The following E2F2 variants were observed in gnomAD, a reference collection of about 807,000 sequenced individuals.
The protein encoded by E2F2 is transcription factor E2F2.
E2F2 carries 22 observed loss-of-function variants against 42.2 expected under a neutral mutation model. The observed-to-expected ratio is 0.52, with a 90% confidence interval of 0.37 to 0.74. The LOEUF (loss-of-function observed/expected upper bound fraction) is 0.74, where lower values mean the gene tolerates loss of function less well. Ranked by LOEUF, E2F2 falls within the 30% of genes least tolerant of loss-of-function variation. E2F2 has a pLI of 0.00. For missense variants in E2F2, 481 were observed against 557.8 expected (o/e 0.86, Z 1.39); for synonymous variants, 248 against 251.6 (o/e 0.99, Z 0.13).
chr1:23,526,848 C>T (rs568730067), intron 1 of E2F2, among the ~76,000 whole-genome samples: 78 of 133,340 alleles, frequency 5.8e-4, no homozygotes, highest in Non-Finnish European at 8.1e-5. Flanking sequence ...ACTGCATGTA[C>T]TTGCACACAC....
chr1:23,506,464 A>C lies in E2F2; in HGVS notation c.*3416T>G, dbSNP rs965950693. 1 of 152,274 alleles carries C rather than the reference A, an allele frequency of 6.6e-6. No homozygotes were observed. Among genetic ancestry groups the C allele is most frequent in the Non-Finnish European group, 1.5e-5 (1 of 68,094 alleles). The allele number at this position is 152,274 out of a possible 1,614,324, so 9.4% of individuals were successfully genotyped here. A position where few individuals can be genotyped will look rare whatever the true frequency, so the allele number is the denominator to read the frequency against. ...GCAGTTTAATGTTTAATGCCCAATT[A>C]TCTCAATACAAGGAGGCTTACATGG... On this transcript the variant is annotated 3_prime_UTR_variant, in exon 7 of 7. Coordinates refer to ENST00000361729, the MANE Select transcript of E2F2 (RefSeq NM_004091.4).
chr1:23,508,667 C>T lies in E2F2; in HGVS notation c.*1213G>A, dbSNP rs1191368314. Reference sequence around the variant, plus strand: ...CCATGAAGACCTCTCTCTGTCACCCCTTCAGTATACCTGGGAAAAAAGGAG... The same window carrying T: ...CCATGAAGACCTCTCTCTGTCACCCTTTCAGTATACCTGGGAAAAAAGGAG... On this transcript the variant is annotated 3_prime_UTR_variant, in exon 7 of 7. Coordinates refer to ENST00000361729, the MANE Select transcript of E2F2 (RefSeq NM_004091.4). 1 of 152,298 alleles carries T rather than the reference C, an allele frequency of 6.6e-6. No individual in the cohort carries two copies. Among genetic ancestry groups the T allele is most frequent in the Non-Finnish European group, 1.5e-5 (1 of 68,110 alleles). The allele number at this position is 152,298 out of a possible 1,614,324, so 9.4% of individuals were successfully genotyped here.
Position 23,519,296 on chromosome 1 carries a change from C to G in E2F2, c.738-166G>C. On this transcript the variant is annotated intron_variant, in intron 4 of 6. Coordinates refer to ENST00000361729, the MANE Select transcript of E2F2 (RefSeq NM_004091.4). The stretch of plus-strand genomic sequence containing the variant: ...TGTAACCTGTTAATCTCATAAGCTA[C>G]CTTAGATCCCTTTGGAAAGCAAATG... The G allele has an allele frequency of 2.2e-5, 10 of 447,584 alleles. No individual in the cohort carries two copies. The South Asian group carries it at 5.0e-4, about 23-fold the overall frequency. 27.7% of individuals were successfully genotyped at this position (447,584 alleles called of 1,614,324 possible).
intron 1 of E2F2, among the ~76,000 whole-genome samples, chr1:23,525,711 C>A (rs1643239398): frequency 6.6e-6 from 1 of 152,158 alleles, no homozygotes; most frequent in Admixed American, 6.5e-5. Context: ...CTGTAAAGTT[C>A]TCAGCCTGTG....
In E2F2 at chr1:23,531,124, C is replaced by A; in HGVS notation, c.-331G>T. The A allele has an allele frequency of 3.4e-6, 1 of 292,492 alleles. No homozygotes were observed. Among genetic ancestry groups the A allele is most frequent in the Admixed American group, 5.1e-5 (1 of 19,422 alleles). The allele number at this position is 292,492 out of a possible 1,614,324, so 18.1% of individuals were successfully genotyped here. On this transcript the variant is annotated 5_prime_UTR_variant, in exon 1 of 7. Transcript: ENST00000361729. ...GTCCGGCCGGCTCTGGGGAGGGGTCCCCGGCGTGCCCTCAAGCTCGGCGGA... is the reference window on the plus strand; with the variant it reads ...GTCCGGCCGGCTCTGGGGAGGGGTCACCGGCGTGCCCTCAAGCTCGGCGGA...
chr1:23,521,209 G>T, intron 3 of E2F2, 138 bp from the exon 4 acceptor site: 2 of 1,079,974 alleles, frequency 1.9e-6, no homozygotes, highest in Non-Finnish European at 2.5e-6. Flanking sequence ...AGCTACCAGG[G>T]ATTGGAACCA....
intron 3 of E2F2, chr1:23,521,575 C>T (rs112726448): frequency 1.0e-6 from 1 of 984,866 alleles, no homozygotes; most frequent in African/African-American, 1.8e-5. Context: ...TTTACACCTC[C>T]CAGATGTCAT....
intron 4 of E2F2, chr1:23,519,364 T>TA: frequency 3.0e-6 from 1 of 331,228 alleles, no homozygotes; most frequent in Non-Finnish European, 5.5e-6. Context: ...TTATAAATCA[T>TA]AAAAAATGTT....
Position 23,531,030 on chromosome 1 carries a change from G to A in E2F2, c.-237C>T, listed in dbSNP as rs973909184. The A allele has an allele frequency of 1.0e-4, 46 of 447,672 alleles. No homozygotes were observed. In the East Asian group the frequency reaches 1.2e-3, roughly 12 times the overall value. 27.7% of individuals were successfully genotyped at this position (447,672 alleles called of 1,614,324 possible). The stretch of plus-strand genomic sequence containing the variant: ...GGCGGCTGCGGTGGTGGCACTGCCA[G>A]GGGCTGTCTCGTCCCGAGGGCACCG... On this transcript the variant is annotated 5_prime_UTR_variant, in exon 1 of 7. Transcript: ENST00000361729.
At chr1:23,521,614 C>T (rs766127028) in intron 3 of E2F2, 79 of 984,350 alleles carry the variant, frequency 8.0e-5, no homozygotes, top group Non-Finnish European at 9.2e-5. Context: ...TCACGTTCTC[C>T]GATTACTTCA....
chr1:23,505,641 T>A (rs1558226204), downstream of E2F2, among the ~76,000 whole-genome samples: 1 of 152,106 alleles, frequency 6.6e-6, no homozygotes, highest in African/African-American at 2.4e-5. Flanking sequence ...GCCTCCTGAG[T>A]AGCTGGAGTT....
In E2F2 at chr1:23,530,634, G is replaced by A. The variant is rs1407094379; in HGVS notation, c.160C>T (p.Pro54Ser). 2 of 1,613,288 alleles carry A rather than the reference G, an allele frequency of 1.2e-6. No individual in the cohort carries two copies. The highest frequency in any genetic ancestry group is 1.7e-5 in the Admixed American group (1 of 59,994). The part of the protein sequence containing the change: ...YYTPLYPQTA[P>S]PAAAPGTCLD... ...CAGGTGCCTGGCGCCGCTGCGGGAG[G>A]CGCCGTCTGCGGGTACAGCGGTGTG... The change falls in exon 1 of 7, where the codon CCT (proline) becomes TCT (serine). Residue 54 changes from proline (P) to serine (S), a missense_variant. Transcript: ENST00000361729. This position sits in a 1 kb window ranked among gnomAD's most constrained non-coding sequence, Gnocchi z 4.4.
At position 23,507,515 on chromosome 1, in the gene E2F2, CAA is replaced by C. The variant is rs758109798; in HGVS notation, c.*2363_*2364del. The C allele has an allele frequency of 2.3e-4, 22 of 95,090 alleles. No individual in the cohort carries two copies. Among genetic ancestry groups the C allele is most frequent in the Admixed American group, 2.3e-4 (2 of 8,608 alleles). The allele number at this position is 95,090 out of a possible 1,614,324, so 5.9% of individuals were successfully genotyped here. ...TGGGCAACAGAGCGAGACTCCATCT[CAA>C]AAAAAAAAAAAAAGAAGAAAAAAAG... On this transcript the variant is annotated 3_prime_UTR_variant, in exon 7 of 7. Coordinates refer to ENST00000361729, the MANE Select transcript of E2F2 (RefSeq NM_004091.4).
chr1:23,519,713 T>C (rs1399365578), intron 4 of E2F2, among the ~76,000 whole-genome samples: 2 of 151,922 alleles, frequency 1.3e-5, no homozygotes, highest in Admixed American at 6.6e-5. Context: ...GTGGATAACT[T>C]GAGGTCAGGA....
Position 23,510,113 on chromosome 1 carries a change from GTGGGGCCTGCTGGGGGGT to G in E2F2, c.1063_1080del (p.Thr355_Pro360del). On this transcript the variant is annotated inframe_deletion, in exon 7 of 7. Coordinates refer to ENST00000361729, the MANE Select transcript of E2F2 (RefSeq NM_004091.4). ...TCCAAGGGGACCAGGGATGGAGGCG[GTGGGGCCTGCTGGGGGGT>G]TGGCGCTGGTGCTGGCACTGGAGAC... 6.2e-7 allele frequency: 1 copy of G among 1,604,448 alleles called. No homozygotes were observed. The highest frequency in any genetic ancestry group is 8.5e-7 in the Non-Finnish European group (1 of 1,176,274).
intron 2 of E2F2, 134 bp downstream of exon 2, chr1:23,524,249 G>C: frequency 1.0e-5 from 7 of 689,770 alleles, no homozygotes; most frequent in Non-Finnish European, 1.6e-5. Context: ...TACCTGGCAG[G>C]ATCAAATAAT....
intron 6 of E2F2, among the ~76,000 whole-genome samples, chr1:23,512,865 T>A (rs1458577190): frequency 6.6e-6 from 1 of 150,910 alleles, no homozygotes; most frequent in East Asian, 1.9e-4. Context: ...CAGGCTGGAG[T>A]GCAGTGGTGT....
chr1:23,522,920 A>T (rs1390231485), intron 2 of E2F2, among the ~76,000 whole-genome samples: 1 of 152,184 alleles, frequency 6.6e-6, no homozygotes, highest in African/African-American at 2.4e-5. Flanking sequence ...ACCAGTTATC[A>T]TGAGCCTCAG....
intron 3 of E2F2, 86 bp downstream of exon 3, chr1:23,521,751 C>T: frequency 3.2e-6 from 5 of 1,564,898 alleles, no homozygotes; most frequent in South Asian, 2.4e-5. Flanking sequence ...CCGCCCCTGC[C>T]ACTCACACCC....
Sources: allele counts gnomAD v4.1 joint callset (sites outside exome capture counted in the v4.1 genomes callset), GRCh38; gene constraint gnomAD v4.1.1; non-coding constraint Gnocchi (gnomAD v3.1); transcripts MANE v1.5; gene names NCBI Gene and HGNC (gene_info 2026-07-23, HGNC 2026-07-21).